ZBTB48: variants seen among roughly 807,000 people sequenced by gnomAD.
The protein encoded by ZBTB48 is zinc finger and BTB domain containing 48.
In ZBTB48, 35 loss-of-function variants were observed where a neutral mutation model predicts 64.5. The observed-to-expected ratio is 0.54, with a 90% CI of 0.41 to 0.72. The LOEUF (loss-of-function observed/expected upper bound fraction) is 0.72. Ranked by LOEUF, ZBTB48 falls within the 30% of genes least tolerant of loss-of-function variation. ZBTB48 has a pLI of 0.00. For synonymous variants in ZBTB48, 442 were observed against 356.7 expected, an observed-to-expected ratio of 1.24 and a Z score of -2.70; for missense variants, 828 against 895.3, an observed-to-expected ratio of 0.92 and a Z score of 0.96.
At chr1:6,588,618 T>C in intron 9 of ZBTB48, 138 bp from the exon 10 acceptor site, 1 of 1,452,156 alleles carries the variant, frequency 6.9e-7, no homozygotes, top group Non-Finnish European at 9.3e-7. Context: ...TGGGTGGCAC[T>C]GGAGAGCCTG....
chr1:6,586,642 C>T (rs893117621), intron 4 of ZBTB48, 53 bp from the exon 5 acceptor site: 2 of 1,468,758 alleles, frequency 1.4e-6, no homozygotes, highest in Non-Finnish European at 1.8e-6. Context: ...AGGCTGCTGT[C>T]ATAGGCAGAG....
chr1:6,585,947 T>C lies in ZBTB48; in HGVS notation c.961T>C (p.Cys321Arg). Residue 321 changes from cysteine (C) to arginine (R), a missense_variant, in exon 4 of 11, where the codon TGT (cysteine) becomes CGT (arginine). Coordinates refer to ENST00000377674, the MANE Select transcript of ZBTB48 (RefSeq NM_005341.4). ...RKHTGEKPFECPKCGKCYFRK... is the reference protein window; with the variant it reads ...RKHTGEKPFERPKCGKCYFRK... ...ACATACTGGGGAGAAACCCTTTGAG[T>C]GTCCCAAATGTGGGAAGTGTTACTT... 6.2e-7 allele frequency: 1 copy of C among 1,614,046 alleles called. No individual in the cohort carries two copies. The highest frequency in any genetic ancestry group is 1.1e-5 in the South Asian group (1 of 91,086).
rs1248529502 is a variant in ZBTB48 at position 6,580,616 on chromosome 1, G to A, written c.7G>A (p.Gly3Ser). ...CCTCCCTGCCCTCCAGACCATGGAC[G>A]GCTCCTTCGTCCAGCACAGTGTGAG... MD[G>S]SFVQHSVRVL... Residue 3 changes from glycine (G) to serine (S), a missense_variant, in exon 2 of 11, where the codon GGC becomes AGC. By Grantham distance (56) the Gly-to-Ser change is moderately conservative. Transcript: ENST00000377674. This position sits in a 1 kb window ranked among gnomAD's most constrained non-coding sequence, Gnocchi z 5.2. 23 of 1,608,182 alleles carry A rather than the reference G, an allele frequency of 1.4e-5. No individual in the cohort carries two copies. The highest frequency in any genetic ancestry group is 2.2e-5 in the South Asian group (2 of 90,948).
rs762479888 is a variant in ZBTB48, at chr1:6,589,203, T to C, written c.2058T>C (p.Cys686=). 5.3e-6 allele frequency: 8 copies of C among 1,515,996 alleles called. No homozygotes were observed. Among genetic ancestry groups the C allele is most frequent in the Non-Finnish European group, 6.2e-6 (7 of 1,135,790 alleles). 93.9% of individuals were successfully genotyped at this position (1,515,996 alleles called of 1,614,324 possible). ...TCACAGCTGCTGTCCCCGAGGACTG[T>C]GACACATAGCCCATTCTGGCCACCA... ...LIITAAVPED[C]DT Residue 686 remains cysteine (C), a synonymous_variant, in exon 11 of 11, where the codon TGT becomes TGC. Transcript: ENST00000377674.
Position 6,588,810 on chromosome 1 carries a change from A to G in ZBTB48, c.1736A>G (p.Glu579Gly). 1.2e-6 allele frequency: 2 copies of G among 1,614,120 alleles called. No homozygotes were observed. Among genetic ancestry groups the G allele is most frequent in the South Asian group, 2.2e-5 (2 of 91,092 alleles). Reference protein sequence around the residue: ...VRRHKGVRKFECTECGYKFTR... With the variant: ...VRRHKGVRKFGCTECGYKFTR... ...CGGCACAAGGGGGTGAGGAAGTTTG[A>G]GTGCACCGAGTGTGGCTACAAGTTT... Residue 579 changes from glutamate (E) to glycine (G), a missense_variant, in exon 10 of 11, where the codon GAG becomes GGG. Physicochemically the swap from Glu to Gly is moderately conservative, Grantham distance 98. Transcript: ENST00000377674.
intron 2 of ZBTB48, 30 bp from the exon 3 acceptor site, chr1:6,582,028 C>T: frequency 6.2e-7 from 1 of 1,605,688 alleles, no homozygotes; most frequent in Non-Finnish European, 8.5e-7. Context: ...TTGGTGACGC[C>T]ACCCCCTCCT....
Position 6,588,809 on chromosome 1 carries a change from G to A in ZBTB48, c.1735G>A (p.Glu579Lys). ...VRRHKGVRKFECTECGYKFTR... is the reference protein window; with the variant it reads ...VRRHKGVRKFKCTECGYKFTR... ...ACGGCACAAGGGGGTGAGGAAGTTT[G>A]AGTGCACCGAGTGTGGCTACAAGTT... is the stretch of plus-strand genomic sequence containing the variant. The change falls in exon 10 of 11, where the codon GAG becomes AAG. Residue 579 changes from glutamate to lysine, a missense_variant. Physicochemically the swap from Glu to Lys is moderately conservative, Grantham distance 56. Transcript: ENST00000377674. 1 of 1,614,154 alleles carries A rather than the reference G, an allele frequency of 6.2e-7. No individual in the cohort carries two copies.
intron 3 of ZBTB48, among the ~76,000 whole-genome samples, chr1:6,583,926 C>T (rs755207738): frequency 4.0e-5 from 6 of 151,810 alleles, no homozygotes; most frequent in Non-Finnish European, 5.9e-5. Context: ...ATTACAGGCA[C>T]GCGCCACCAC....
intron 6 of ZBTB48, 85 bp from the exon 7 acceptor site, chr1:6,587,393 G>C: frequency 1.9e-6 from 3 of 1,607,092 alleles, no homozygotes; most frequent in Non-Finnish European, 2.6e-6. Flanking sequence ...TTGTTCGGGG[G>C]GGTGCTTGTG....
rs77541275 is a variant in ZBTB48 at position 6,587,637 on chromosome 1, G to A, written c.1379+5G>A. ...GCACATCAAGGCCAAGCACAGGTGC[G>A]TGTCGCCCGTTCTCTCTTGGGGCCC... On this transcript the variant is annotated splice_donor_5th_base_variant and intron_variant, in intron 7 of 10. Transcript: ENST00000377674. 12,660 of 1,612,350 alleles carry A rather than the reference G, an allele frequency of 7.9e-3. 71 individuals are homozygous for A. Among genetic ancestry groups the A allele is most frequent in the Non-Finnish European group, 8.8e-3 (10,423 of 1,180,012 alleles).
Position 6,585,942 on chromosome 1 carries a change from T to C in ZBTB48, c.956T>C (p.Phe319Ser), listed in dbSNP as rs766483540. Reference protein sequence around the residue: ...HNRKHTGEKPFECPKCGKCYF... With the variant: ...HNRKHTGEKPSECPKCGKCYF... The stretch of plus-strand genomic sequence containing the variant: ...AGGAAACATACTGGGGAGAAACCCT[T>C]TGAGTGTCCCAAATGTGGGAAGTGT... The change falls in exon 4 of 11, where the codon TTT becomes TCT. Residue 319 changes from phenylalanine to serine, a missense_variant. Transcript: ENST00000377674. 1.9e-6 allele frequency: 3 copies of C among 1,613,890 alleles called. No individual in the cohort carries two copies. Among genetic ancestry groups the C allele is most frequent in the African/African-American group, 2.7e-5 (2 of 74,898 alleles).
intron 8 of ZBTB48, 23 bp downstream of exon 8, chr1:6,588,219 C>T (rs1291175229): frequency 6.2e-7 from 1 of 1,613,506 alleles, no homozygotes; most frequent in Admixed American, 1.7e-5. Context: ...CTGCCCCTCC[C>T]CTCGCCTCCC....
chr1:6,580,618 C>T lies in ZBTB48; in HGVS notation c.9C>T (p.Gly3=), dbSNP rs148343816. 60 of 1,608,848 alleles carry T rather than the reference C, an allele frequency of 3.7e-5. No individual in the cohort carries two copies. Among genetic ancestry groups the T allele is most frequent in the Non-Finnish European group, 4.9e-5 (58 of 1,176,198 alleles). Residue 3 remains glycine, a synonymous_variant, in exon 2 of 11, where the codon GGC becomes GGT. Coordinates refer to ENST00000377674, the MANE Select transcript of ZBTB48 (RefSeq NM_005341.4). This position sits in a 1 kb window ranked among gnomAD's most constrained non-coding sequence, Gnocchi z 5.2. MD[G]SFVQHSVRVL... ...TCCCTGCCCTCCAGACCATGGACGG[C>T]TCCTTCGTCCAGCACAGTGTGAGGG...
intron 2 of ZBTB48, 33 bp downstream of exon 2, chr1:6,581,332 C>G: frequency 1.9e-6 from 3 of 1,540,984 alleles, no homozygotes; most frequent in Non-Finnish European, 1.7e-6. Flanking sequence ...ACTGGGGAGA[C>G]AAATAGAGGG....
Position 6,581,039 on chromosome 1 carries a change from G to C in ZBTB48, c.430G>C (p.Glu144Gln). The change falls in exon 2 of 11, where the codon GAG becomes CAG. Residue 144 changes from glutamate (E) to glutamine (Q), a missense_variant. Physicochemically the swap from Glu to Gln is conservative, Grantham distance 29. Transcript: ENST00000377674. ...CCAGAATGTGAACAGCCACGTCAAG[G>C]AGCCGGCAGGCTTGGAAGAAGAGGA... The part of the protein sequence containing the change: ...ASQNVNSHVK[E>Q]PAGLEEEEVS... 6.2e-7 allele frequency: 1 copy of C among 1,613,400 alleles called. No homozygotes were observed. The highest frequency in any genetic ancestry group is 8.5e-7 in the Non-Finnish European group (1 of 1,180,018).
intron 5 of ZBTB48, chr1:6,586,990 C>T: frequency 1.2e-6 from 1 of 851,434 alleles, no homozygotes; most frequent in Non-Finnish European, 1.9e-6. Context: ...CCTTATTAGG[C>T]CCTTGTTTCT....
At chr1:6,582,944 A>T (rs548228461) in intron 3 of ZBTB48, among the ~76,000 whole-genome samples, 3 of 152,350 alleles carry the variant, frequency 2.0e-5, no homozygotes, top group African/African-American at 7.2e-5. Flanking sequence ...TGCTGGAATT[A>T]TAGGTGTGAG....
At position 6,588,379 on chromosome 1, in the gene ZBTB48, G is replaced by A. The variant is rs1382081815; in HGVS notation, c.1618G>A (p.Val540Met). 10 of 1,594,236 alleles carry A rather than the reference G, an allele frequency of 6.3e-6. No individual in the cohort carries two copies. The highest frequency in any genetic ancestry group is 1.7e-5 in the Admixed American group (1 of 58,456). Residue 540 changes from valine to methionine, a missense_variant, in exon 9 of 11, where the codon GTG (valine) becomes ATG (methionine). Coordinates refer to ENST00000377674, the MANE Select transcript of ZBTB48 (RefSeq NM_005341.4). The part of the protein sequence containing the change: ...FTEKGPLLRH[V>M]ASRHQEGRPH... ...TGAGAAGGGGCCCCTCCTGAGGCAC[G>A]TGGCCAGCCGCCATCAGGAGGGCCG... is the stretch of plus-strand genomic sequence containing the variant.
At chr1:6,586,907 TCC>T (rs778190999) in intron 5 of ZBTB48, 120 bp downstream of exon 5, 26 of 117,234 alleles carry the variant, frequency 2.2e-4, no homozygotes, top group Middle Eastern at 3.4e-3. Context: ...GAGCCTGCCT[TCC>T]CTGCCTTCCC....
Sources: gnomAD v4.1 joint callset for allele counts (sites outside exome capture counted in the v4.1 genomes callset) on GRCh38, gnomAD v4.1.1 for gene constraint, Gnocchi (gnomAD v3.1) non-coding constraint, MANE v1.5 for transcripts, NCBI Gene and HGNC (gene_info 2026-07-23, HGNC 2026-07-21) for gene names.